TRNAU1AP: variants seen among roughly 807,000 people sequenced by gnomAD.
The protein encoded by TRNAU1AP is tRNA selenocysteine 1 associated protein 1, also known as tRNA selenocysteine 1-associated protein 1.
TRNAU1AP carries 33 observed loss-of-function variants against 43.3 expected under a neutral mutation model. That is an observed-to-expected ratio of 0.76 (90% CI 0.58 to 1.02). The LOEUF (loss-of-function observed/expected upper bound fraction) is 1.02. Among genes scored for constraint, TRNAU1AP ranks in the 50% least tolerant of loss-of-function variants. The probability of loss-of-function intolerance (pLI) is 0.00; values close to 1 mark genes in which losing one functional copy is unlikely to be tolerated. For synonymous variants in TRNAU1AP, 143 were observed against 129.1 expected (o/e 1.11, Z -0.73); for missense variants, 290 against 362.7 (o/e 0.80, Z 1.63).
chr1:28,576,044 A>G (rs1665772409), intron 8 of TRNAU1AP, among the ~76,000 whole-genome samples: 1 of 147,162 alleles, frequency 6.8e-6, no homozygotes, highest in Non-Finnish European at 1.5e-5. Flanking sequence ...GTATTTGAGT[A>G]GAGACAGGGT....
rs1285865566 is a variant in TRNAU1AP, at chr1:28,578,496, A to T, written c.*860A>T. On this transcript the variant is annotated 3_prime_UTR_variant, in exon 9 of 9. Coordinates refer to ENST00000373830, the MANE Select transcript of TRNAU1AP (RefSeq NM_017846.5). ...GGAGATGGATTGCTTGAGCTCGGGAAGAGACCAGTTCGGTCTCTACAAAAA... is the reference window on the plus strand; with the variant it reads ...GGAGATGGATTGCTTGAGCTCGGGATGAGACCAGTTCGGTCTCTACAAAAA... 3.5e-6 allele frequency: 1 copy of T among 289,008 alleles called. No homozygotes were observed. The highest frequency in any genetic ancestry group is 7.0e-6 in the Non-Finnish European group (1 of 141,998). 17.9% of individuals were successfully genotyped at this position (289,008 alleles called of 1,614,324 possible).
At chr1:28,565,376 T>C (rs1056542399) in intron 5 of TRNAU1AP, 3 of 153,188 alleles carry the variant, frequency 2.0e-5, no homozygotes, top group Non-Finnish European at 4.4e-5. Flanking sequence ...TCCCAGCTAC[T>C]TGGGAGGCTG....
At position 28,571,452 on chromosome 1, in the gene TRNAU1AP, G is replaced by C. The variant is rs756940540; in HGVS notation, c.693+114G>C. The C allele has an allele frequency of 3.1e-4, 352 of 1,129,020 alleles. 1 individual carries two copies. The highest frequency in any genetic ancestry group is 4.2e-4 in the Non-Finnish European group (330 of 782,904). 69.9% of individuals were successfully genotyped at this position (1,129,020 alleles called of 1,614,324 possible). A position where few individuals can be genotyped will look rare whatever the true frequency, so the allele number is the denominator to read the frequency against. ...GGGGCTTGGGCTTCAGAAAAAATAG[G>C]GAAAGTTGAAGCAGTCCAGTTCCTC... On this transcript the variant is annotated intron_variant, in intron 7 of 8. Transcript: ENST00000373830.
rs929180140 is a variant in TRNAU1AP, at chr1:28,572,761, C to T, written c.727+861C>T. Among the ~76,000 whole-genome samples, 4 of 150,744 alleles carry T rather than the reference C, an allele frequency of 2.7e-5. No homozygotes were observed. In the East Asian group the frequency reaches 6.1e-4, roughly 23 times the overall value. Reference sequence around the variant, plus strand: ...CATCCTGGCTAACACGGTGAAACCCCGTCTCTACTAAAAAATAGAAAAAAT... The same window carrying T: ...CATCCTGGCTAACACGGTGAAACCCTGTCTCTACTAAAAAATAGAAAAAAT... On this transcript the variant is annotated intron_variant, in intron 8 of 8. Coordinates refer to ENST00000373830, the MANE Select transcript of TRNAU1AP (RefSeq NM_017846.5).
intron 2 of TRNAU1AP, among the ~76,000 whole-genome samples, chr1:28,558,594 T>G (rs1235562870): frequency 7.8e-6 from 1 of 128,990 alleles, no homozygotes; most frequent in Non-Finnish European, 1.6e-5. Context: ...AGACGGAGTC[T>G]CATTCTGTCG....
At chr1:28,568,110 G>A (rs894104637) in intron 6 of TRNAU1AP, among the ~76,000 whole-genome samples, 2 of 152,186 alleles carry the variant, frequency 1.3e-5, no homozygotes, top group Non-Finnish European at 2.9e-5. Context: ...GTTGCAGTGA[G>A]CCGAGATGGC....
chr1:28,564,575 G>A, intron 4 of TRNAU1AP, 128 bp from the exon 5 acceptor site: 2 of 1,132,074 alleles, frequency 1.8e-6, no homozygotes, highest in South Asian at 1.6e-5. Flanking sequence ...AGTAGGGGCT[G>A]GTTAAGTAGA....
chr1:28,573,266 G>C (rs950543865), intron 8 of TRNAU1AP, among the ~76,000 whole-genome samples: 6 of 37,844 alleles, frequency 1.6e-4, no homozygotes, highest in African/African-American at 5.9e-4. Flanking sequence ...ACTCGACCTC[G>C]TGATCCGCCT....
At chr1:28,562,912 T>A (rs1665446334) in intron 4 of TRNAU1AP, among the ~76,000 whole-genome samples, 1 of 150,020 alleles carries the variant, frequency 6.7e-6, no homozygotes, top group South Asian at 2.1e-4. Flanking sequence ...TTTTTTTTTT[T>A]TGAGATGGAG....
At chr1:28,566,622 G>A (rs1353477543) in intron 5 of TRNAU1AP, among the ~76,000 whole-genome samples, 1 of 152,038 alleles carries the variant, frequency 6.6e-6, no homozygotes, top group Non-Finnish European at 1.5e-5. Context: ...AGCTGGGCAT[G>A]GTGGTGGGTG....
intron 2 of TRNAU1AP, chr1:28,554,117 G>C (rs1407159819): frequency 6.2e-6 from 1 of 162,512 alleles, no homozygotes; most frequent in Non-Finnish European, 1.3e-5. Context: ...AGAATCACTT[G>C]AACCCGGGAG....
chr1:28,553,689 T>C lies in TRNAU1AP; in HGVS notation c.77T>C (p.Met26Thr), dbSNP rs145048352. 3,578 of 1,614,138 alleles carry C rather than the reference T, an allele frequency of 2.2e-3. 11 individuals carry two copies. Among genetic ancestry groups the C allele is most frequent in the Non-Finnish European group, 2.7e-3 (3,210 of 1,180,006 alleles). Residue 26 changes from methionine to threonine, a missense_variant, in exon 2 of 9, where the codon ATG (methionine) becomes ACG (threonine). This residue lies in a region of TRNAU1AP where 59 missense variants were observed against 45.5 expected (regional missense o/e 1.30). Coordinates refer to ENST00000373830, the MANE Select transcript of TRNAU1AP (RefSeq NM_017846.5). Reference sequence around the variant, plus strand: ...TTCATCTCCAGAGCCTTTGCCACCATGGGGGAGACCGTAATGAGCGTCAAA... The same window carrying C: ...TTCATCTCCAGAGCCTTTGCCACCACGGGGGAGACCGTAATGAGCGTCAAA... ...ENFISRAFAT[M>T]GETVMSVKII...
intron 5 of TRNAU1AP, chr1:28,565,637 A>G (rs1665521038): frequency 6.6e-6 from 1 of 151,844 alleles, no homozygotes; most frequent in Non-Finnish European, 1.5e-5. Context: ...AAAAAATACA[A>G]AAGTTAGCCG....
chr1:28,571,226 A>G lies in TRNAU1AP; in HGVS notation c.581A>G (p.Asn194Ser). ...EYSQMYSYSY[N>S]QYYQQYQNYY... Reference sequence around the variant, plus strand: ...AGTCAGATGTACAGTTATAGCTACAACCAGTATTATCAGCAGTACCAGAAC... The same window carrying G: ...AGTCAGATGTACAGTTATAGCTACAGCCAGTATTATCAGCAGTACCAGAAC... Residue 194 changes from asparagine (N) to serine (S), a missense_variant, in exon 7 of 9, where the codon AAC (asparagine) becomes AGC (serine). By Grantham distance (46) the Asn-to-Ser change is conservative. Coordinates refer to ENST00000373830, the MANE Select transcript of TRNAU1AP (RefSeq NM_017846.5). The G allele has an allele frequency of 1.2e-6, 2 of 1,614,146 alleles. No individual in the cohort carries two copies. Among genetic ancestry groups the G allele is most frequent in the Non-Finnish European group, 1.7e-6 (2 of 1,179,980 alleles).
chr1:28,562,454 A>G (rs914983475), intron 4 of TRNAU1AP, among the ~76,000 whole-genome samples: 2 of 152,230 alleles, frequency 1.3e-5, no homozygotes, highest in African/African-American at 4.8e-5. Flanking sequence ...ACAAAATACG[A>G]TGGATCGTAT....
intron 2 of TRNAU1AP, among the ~76,000 whole-genome samples, chr1:28,559,491 G>C (rs1665356670): frequency 6.6e-6 from 1 of 152,042 alleles, no homozygotes; most frequent in African/African-American, 2.4e-5. Context: ...AGCTGGGCAT[G>C]GTGGCGCATG....
In TRNAU1AP at chr1:28,553,086, C is replaced by T; in HGVS notation, c.-25C>T. On this transcript the variant is annotated 5_prime_UTR_variant, in exon 1 of 9. Transcript: ENST00000373830. Reference sequence around the variant, plus strand: ...AGCCCCGCCCGCAGAGCCCCGCCCGCAAAGCCCCACCCCGGTGCGCGGGTA... The same window carrying T: ...AGCCCCGCCCGCAGAGCCCCGCCCGTAAAGCCCCACCCCGGTGCGCGGGTA... 1 of 1,526,014 alleles carries T rather than the reference C, an allele frequency of 6.6e-7. No individual in the cohort carries two copies. Among genetic ancestry groups the T allele is most frequent in the Non-Finnish European group, 8.8e-7 (1 of 1,135,570 alleles). 94.5% of individuals were successfully genotyped at this position (1,526,014 alleles called of 1,614,324 possible).
intron 6 of TRNAU1AP, among the ~76,000 whole-genome samples, chr1:28,568,747 A>C (rs990537608): frequency 7.2e-5 from 11 of 151,900 alleles, no homozygotes; most frequent in Non-Finnish European, 1.2e-4. Context: ...TTCATCGGAC[A>C]GCCACCCACC....
intron 2 of TRNAU1AP, among the ~76,000 whole-genome samples, chr1:28,556,829 G>C (rs893493643): frequency 1.3e-5 from 2 of 152,032 alleles, no homozygotes; most frequent in Non-Finnish European, 2.9e-5. Context: ...GACTACAGCC[G>C]TGTGCCACCA....
Sources: allele counts gnomAD v4.1 joint callset (sites outside exome capture counted in the v4.1 genomes callset), GRCh38; gene constraint gnomAD v4.1.1; regional missense constraint gnomAD v4.1.1; transcripts MANE v1.5; gene names NCBI Gene and HGNC (gene_info 2026-07-23, HGNC 2026-07-21).